The following XPO1 variants were observed in gnomAD, a reference collection of about 807,000 sequenced individuals.
XPO1 encodes the protein exportin-1.
XPO1 carries 5 observed loss-of-function variants against 133.3 expected under a neutral mutation model. The ratio of observed to expected loss-of-function variants is 0.04; its 90% CI spans 0.02 to 0.08. The LOEUF (loss-of-function observed/expected upper bound fraction) is 0.08, where lower values mean the gene tolerates loss of function less well. XPO1 is among the 10% of genes least tolerant of loss of function. XPO1 has a pLI of 1.00. For synonymous variants in XPO1, 419 were observed against 408.2 expected (o/e 1.03, Z -0.32); for missense variants, 506 against 1,267.5 (o/e 0.40, Z 9.12).
rs1172841234 is a variant in XPO1, at chr2:61,538,345, C to G, written c.-790G>C. ...GTTTTCAGCCCATGGCGCCGCGGAG[C>G]GTTTGGAACCTGGGCCTCCGCCCCC... On this transcript the variant is annotated 5_prime_UTR_variant, in exon 1 of 25. Coordinates refer to ENST00000401558, the MANE Select transcript of XPO1 (RefSeq NM_003400.4). 1.9e-5 allele frequency: 3 copies of G among 157,554 alleles called. No individual in the cohort carries two copies. Among genetic ancestry groups the G allele is most frequent in the Non-Finnish European group, 2.8e-5 (2 of 71,422 alleles). 9.8% of individuals were successfully genotyped at this position (157,554 alleles called of 1,614,324 possible). A position where few individuals can be genotyped will look rare whatever the true frequency, so the allele number is the denominator to read the frequency against.
At chr2:61,488,075 A>G (rs1696784422) in intron 19 of XPO1, 90 bp downstream of exon 19, 1 of 1,169,600 alleles carries the variant, frequency 8.5e-7, no homozygotes, top group Non-Finnish European at 1.2e-6. Flanking sequence ...ATATGCTTTA[A>G]ATTAGCAAAA....
Position 61,478,811 on chromosome 2 carries a change from A to G in XPO1, c.*9T>C, listed in dbSNP as rs1696184689. On this transcript the variant is annotated 3_prime_UTR_variant, in exon 25 of 25. Coordinates refer to ENST00000401558, the MANE Select transcript of XPO1 (RefSeq NM_003400.4). ...GTTGCAGAGAAAAAAAACAGCATGA[A>G]TTTGGATTTTAATCACACATTTCTT... The G allele has an allele frequency of 6.2e-7, 1 of 1,612,452 alleles. No homozygotes were observed. The highest frequency in any genetic ancestry group is 1.1e-5 in the South Asian group (1 of 90,630).
chr2:61,516,702 C>T (rs1422404602), intron 4 of XPO1, among the ~76,000 whole-genome samples: 3 of 152,048 alleles, frequency 2.0e-5, no homozygotes, highest in African/African-American at 7.2e-5. Flanking sequence ...GCATGAGCCA[C>T]CATGCCCCGC....
At position 61,493,051 on chromosome 2, in the gene XPO1, G is replaced by C. The variant is rs2104438275; in HGVS notation, c.1248C>G (p.Val416=). ...CCATTCGACTAACCATTAATAAACGGACCTATACTCAACAATATATCAATC... is the reference window on the plus strand; with the variant it reads ...CCATTCGACTAACCATTAATAAACGCACCTATACTCAACAATATATCAATC... ...RQLYLPMLFK[V]RLLMVSRMAK... Residue 416 remains valine (V), a splice_region_variant and synonymous_variant, in exon 13 of 25, where the codon GTC becomes GTG. Coordinates refer to ENST00000401558, the MANE Select transcript of XPO1 (RefSeq NM_003400.4). The C allele has an allele frequency of 6.3e-7, 1 of 1,590,092 alleles. No individual in the cohort carries two copies.
rs201740604 is a variant in XPO1 at position 61,499,698 on chromosome 2, A to G, written c.590+15T>C. 4.5e-6 allele frequency: 7 copies of G among 1,557,346 alleles called. No homozygotes were observed. Among genetic ancestry groups the G allele is most frequent in the Admixed American group, 2.2e-5 (1 of 44,888 alleles). ...AGAAATCACTTTAAAATTCTAAAAC[A>G]TAATTATTACTTGCCTGTCTTTTAA... On this transcript the variant is annotated intron_variant, in intron 7 of 24. Coordinates refer to ENST00000401558, the MANE Select transcript of XPO1 (RefSeq NM_003400.4).
intron 4 of XPO1, among the ~76,000 whole-genome samples, chr2:61,504,920 G>C (rs573492621): frequency 8.5e-5 from 13 of 152,174 alleles, no homozygotes; most frequent in African/African-American, 2.9e-4. Context: ...CGTAATACAT[G>C]TAAGAGAAAT....
At chr2:61,484,936 G>A (rs1156642044) in intron 20 of XPO1, 4 of 152,196 alleles carry the variant, frequency 2.6e-5, no homozygotes, top group East Asian at 1.9e-4. Flanking sequence ...GTAGAGATGG[G>A]GTTTCACCAT....
At chr2:61,505,089 C>A (rs950886562) in intron 4 of XPO1, among the ~76,000 whole-genome samples, 2 of 152,220 alleles carry the variant, frequency 1.3e-5, no homozygotes, top group Admixed American at 6.6e-5. Context: ...CAGCTCACTG[C>A]AGCCTTGAAC....
intron 2 of XPO1, among the ~76,000 whole-genome samples, chr2:61,532,313 G>C (rs1160630622): frequency 6.6e-6 from 1 of 151,826 alleles, no homozygotes; most frequent in African/African-American, 2.4e-5. Context: ...GTTTTTAGTA[G>C]AGACGGGGTT....
chr2:61,526,539 A>G lies in XPO1; in HGVS notation c.127-18T>C. ...ATTCTTTGCTAAAATATTATTAAAA[A>G]AAACAAAACTTAAGCTAATGTATTC... On this transcript the variant is annotated intron_variant, in intron 2 of 24. Coordinates refer to ENST00000401558, the MANE Select transcript of XPO1 (RefSeq NM_003400.4). 1 of 1,540,376 alleles carries G rather than the reference A, an allele frequency of 6.5e-7. No individual in the cohort carries two copies. Among genetic ancestry groups the G allele is most frequent in the Non-Finnish European group, 8.7e-7 (1 of 1,150,582 alleles).
At chr2:61,510,377 G>C (rs1698029307) in intron 4 of XPO1, among the ~76,000 whole-genome samples, 1 of 152,174 alleles carries the variant, frequency 6.6e-6, no homozygotes, top group Non-Finnish European at 1.5e-5. Flanking sequence ...ACAGGATATT[G>C]TTACTACTGT....
chr2:61,526,390 TAAC>T, intron 3 of XPO1, 27 bp downstream of exon 3: 2 of 1,594,406 alleles, frequency 1.3e-6, no homozygotes, highest in Admixed American at 1.8e-5. Flanking sequence ...AGAAAAGAAA[TAAC>T]AGATTTTAAA....
chr2:61,517,240 T>A lies in XPO1; in HGVS notation c.301+5371A>T, dbSNP rs527562034. On this transcript the variant is annotated intron_variant, in intron 4 of 24. Transcript: ENST00000401558. Reference sequence around the variant, plus strand: ...AAAAAGGGATGGGGAATTATCTGAATCATGACTCTGATAAAGAATCAACAC... The same window carrying A: ...AAAAAGGGATGGGGAATTATCTGAAACATGACTCTGATAAAGAATCAACAC... Among the ~76,000 whole-genome samples, 3 of 152,254 alleles carry A rather than the reference T, an allele frequency of 2.0e-5. 1 individual carries two copies. In the South Asian group the frequency reaches 6.2e-4, roughly 32 times the overall value.
At position 61,492,784 on chromosome 2, in the gene XPO1, G is replaced by C. The variant is rs1558639781; in HGVS notation, c.1385-36C>G. On this transcript the variant is annotated intron_variant, in intron 13 of 24. Transcript: ENST00000401558. The surrounding 1 kb of genome is among the most constrained non-coding windows in gnomAD (Gnocchi z 5.6). ...AAACATGGTTTCAAATGCAAATAAT[G>C]AGCAGAATTTTATTGATGAGTAACA... The C allele has an allele frequency of 1.9e-6, 3 of 1,599,314 alleles. No individual in the cohort carries two copies.
intron 2 of XPO1, among the ~76,000 whole-genome samples, chr2:61,528,772 T>C (rs1699028503): frequency 1.3e-5 from 1 of 79,796 alleles, no homozygotes; most frequent in Non-Finnish European, 2.6e-5. Context: ...TATATATATA[T>C]ATATATATAG....
chr2:61,503,530 T>C (rs1335303008), intron 4 of XPO1, among the ~76,000 whole-genome samples: 1 of 152,066 alleles, frequency 6.6e-6, no homozygotes, highest in Non-Finnish European at 1.5e-5. Context: ...GTTCACGCCA[T>C]TCTCATGCCT....
intron 6 of XPO1, among the ~76,000 whole-genome samples, chr2:61,500,473 G>C (rs1456956446): frequency 6.6e-6 from 1 of 151,000 alleles, no homozygotes; most frequent in Non-Finnish European, 1.5e-5. Flanking sequence ...CAGCTGCTCG[G>C]GAGGCTGAGG....
At chr2:61,503,342 C>T (rs1029612507) in intron 4 of XPO1, among the ~76,000 whole-genome samples, 1 of 152,082 alleles carries the variant, frequency 6.6e-6, no homozygotes, top group Non-Finnish European at 1.5e-5. Flanking sequence ...GCAACCTCCG[C>T]CTCCACCTCC....
intron 4 of XPO1, among the ~76,000 whole-genome samples, chr2:61,504,459 G>A (rs1229503604): frequency 1.3e-5 from 2 of 152,112 alleles, no homozygotes; most frequent in Non-Finnish European, 2.9e-5. Context: ...TTCCTACTAC[G>A]TAAAATTAAC....
Sources: gnomAD v4.1 joint callset for allele counts (sites outside exome capture counted in the v4.1 genomes callset) on GRCh38, gnomAD v4.1.1 for gene constraint, Gnocchi (gnomAD v3.1) non-coding constraint, MANE v1.5 for transcripts, NCBI Gene and HGNC (gene_info 2026-07-23, HGNC 2026-07-21) for gene names.